The following KIAA1671 variants were observed in gnomAD, a reference collection of about 807,000 sequenced individuals.
The protein encoded by KIAA1671 is uncharacterized protein KIAA1671.
A neutral mutation model predicts 131.2 loss-of-function variants in KIAA1671; 52 were observed. The observed-to-expected ratio is 0.40, with a 90% CI of 0.32 to 0.50. KIAA1671 has a LOEUF of 0.50. KIAA1671 is among the 20% of genes least tolerant of loss of function. The pLI is 0.73. For synonymous variants in KIAA1671, 1,003 were observed against 961.6 expected (o/e 1.04, Z -0.80); for missense variants, 2,360 against 2,364.2 (o/e 1.00, Z 0.04).
intron 5 of KIAA1671, chr22:25,048,939 C>A: frequency 2.8e-6 from 1 of 359,574 alleles, no homozygotes; most frequent in Non-Finnish European, 5.2e-6. Flanking sequence ...TTTCTTAGCG[C>A]CTAGAAGCTG....
chr22:25,071,734 T>C (rs1397310553), intron 6 of KIAA1671, among the ~76,000 whole-genome samples: 4 of 152,114 alleles, frequency 2.6e-5, no homozygotes, highest in African/African-American at 9.7e-5. Context: ...TCCCCAGAAC[T>C]TAGAGCTTGG....
chr22:24,976,909 A>G (rs1922945129), intron 1 of KIAA1671, among the ~76,000 whole-genome samples: 1 of 152,136 alleles, frequency 6.6e-6, no homozygotes, highest in African/African-American at 2.4e-5. Flanking sequence ...GTCGGGGAGG[A>G]TAGAGCAAAG....
At chr22:24,980,350 C>T (rs897135732) in intron 1 of KIAA1671, among the ~76,000 whole-genome samples, 1 of 149,902 alleles carries the variant, frequency 6.7e-6, no homozygotes, top group Non-Finnish European at 1.5e-5. Context: ...TGGCTTACTG[C>T]AACCTCCACC....
chr22:25,179,682 G>A, intron 9 of KIAA1671: 1 of 614,378 alleles, frequency 1.6e-6, no homozygotes, highest in Non-Finnish European at 2.9e-6. Flanking sequence ...GTGTTTTGAA[G>A]GTTAGTATAT....
At chr22:25,139,814 C>T (rs1371465472) in intron 6 of KIAA1671, among the ~76,000 whole-genome samples, 2 of 152,092 alleles carry the variant, frequency 1.3e-5, no homozygotes, top group Non-Finnish European at 2.9e-5. Context: ...CAGAGCTCTG[C>T]AGATATCTAG....
intron 6 of KIAA1671, among the ~76,000 whole-genome samples, chr22:25,094,746 C>T (rs1930316555): frequency 6.6e-6 from 1 of 152,100 alleles, no homozygotes; most frequent in Non-Finnish European, 1.5e-5. Context: ...TCACCATTAC[C>T]GTCTGAGCCT....
At chr22:25,183,677 C>T (rs1934372115) in intron 10 of KIAA1671, among the ~76,000 whole-genome samples, 1 of 152,014 alleles carries the variant, frequency 6.6e-6, no homozygotes, top group Non-Finnish European at 1.5e-5. Context: ...CGCCGGCCAC[C>T]ATGCCTGGCT....
intron 10 of KIAA1671, among the ~76,000 whole-genome samples, chr22:25,182,036 G>A (rs544643117): frequency 1.2e-4 from 19 of 152,046 alleles, no homozygotes; most frequent in Non-Finnish European, 2.1e-4. Flanking sequence ...AAAATTAGCC[G>A]GGCGTGGTGG....
Position 25,123,394 on chromosome 22 carries a change from G to A in KIAA1671, c.4531-47426G>A, listed in dbSNP as rs142974110. Among the ~76,000 whole-genome samples the A allele has an allele frequency of 4.6e-3, 705 of 152,000 alleles. 9 individuals carry two copies. The highest frequency in any genetic ancestry group is 0.015 in the African/African-American group (608 of 41,464). On this transcript the variant is annotated intron_variant, in intron 6 of 12. Transcript: ENST00000358431. ...TTTTCAGTAGAAATGGGGTTTCATC[G>A]TGTTAACCAGGATGGTCTCGATTTC...
chr22:25,001,000 AT>A (rs1348433977), intron 1 of KIAA1671, among the ~76,000 whole-genome samples: 1 of 151,078 alleles, frequency 6.6e-6, no homozygotes. Context: ...TCATGTGCTT[AT>A]TGGTCACGTG....
At chr22:25,168,131 G>C (rs925066661) in intron 6 of KIAA1671, among the ~76,000 whole-genome samples, 2 of 152,150 alleles carry the variant, frequency 1.3e-5, no homozygotes, top group Non-Finnish European at 2.9e-5. Flanking sequence ...CCCTGCCTGG[G>C]AAGAAGATAA....
intron 6 of KIAA1671, among the ~76,000 whole-genome samples, chr22:25,067,467 C>T (rs11912790): frequency 1.3e-5 from 2 of 151,946 alleles, no homozygotes; most frequent in African/African-American, 4.8e-5. Flanking sequence ...AGAACCCCTA[C>T]CCCACCCATC....
chr22:25,082,159 A>G (rs1929444112), intron 6 of KIAA1671, among the ~76,000 whole-genome samples: 1 of 152,318 alleles, frequency 6.6e-6, no homozygotes, highest in African/African-American at 2.4e-5. Context: ...TGTTTGAGAC[A>G]GAGTTGATGA....
Position 25,044,981 on chromosome 22 carries a change from A to C in KIAA1671, c.4395+3456A>C, listed in dbSNP as rs200241054. Among the ~76,000 whole-genome samples the C allele has an allele frequency of 7.2e-4, 110 of 152,272 alleles. 2 individuals carry two copies. In the East Asian group the frequency reaches 0.017, roughly 23 times the overall value. ...TGAGACCATCCTGGCTAACACGGTG[A>C]AACCCTGTCTCTACTAAAACTACAA... On this transcript the variant is annotated intron_variant, in intron 5 of 12. Coordinates refer to ENST00000358431, the MANE Select transcript of KIAA1671 (RefSeq NM_001145206.2).
At chr22:25,186,072 T>C (rs577532436) in intron 11 of KIAA1671, 1 of 152,266 alleles carries the variant, frequency 6.6e-6, no homozygotes, top group Non-Finnish European at 1.5e-5. Context: ...GTAAGCTTTA[T>C]TGGAACACAG....
At chr22:25,156,427 GTA>G (rs1276500361) in intron 6 of KIAA1671, among the ~76,000 whole-genome samples, 1 of 151,830 alleles carries the variant, frequency 6.6e-6, no homozygotes, top group Non-Finnish European at 1.5e-5. Context: ...GTGTTTGTGT[GTA>G]TATGTGTGCA....
intron 1 of KIAA1671, among the ~76,000 whole-genome samples, chr22:25,015,808 C>T (rs1925281341): frequency 1.3e-5 from 2 of 150,186 alleles, no homozygotes; most frequent in Non-Finnish European, 3.0e-5. Flanking sequence ...CCCTGGATCC[C>T]AGAGTCAGAA....
intron 4 of KIAA1671, 116 bp downstream of exon 4, chr22:25,032,812 A>G: frequency 1.9e-6 from 1 of 539,338 alleles, no homozygotes; most frequent in South Asian, 3.8e-5. Flanking sequence ...TGTCATGCAC[A>G]CGATAAAACA....
intron 6 of KIAA1671, among the ~76,000 whole-genome samples, chr22:25,083,701 C>A (rs530724685): frequency 6.6e-6 from 1 of 152,226 alleles, no homozygotes; most frequent in East Asian, 1.9e-4. Context: ...CCTAGGGATA[C>A]CTTTTCCACA....
Sources: gnomAD v4.1 joint callset for allele counts (sites outside exome capture counted in the v4.1 genomes callset) on GRCh38, gnomAD v4.1.1 for gene constraint, MANE v1.5 for transcripts, NCBI Gene and HGNC (gene_info 2026-07-23, HGNC 2026-07-21) for gene names.